The following FBXO4 variants were observed in gnomAD, a reference collection of about 807,000 sequenced individuals.
FBXO4 encodes the protein F-box only protein 4.
FBXO4 carries 36 observed loss-of-function variants against 43.7 expected under a neutral mutation model. That is an observed-to-expected ratio of 0.82 (90% CI 0.63 to 1.09). The LOEUF is 1.09. FBXO4 is among the 50% of genes least tolerant of loss of function. FBXO4 has a pLI of 0.00. For synonymous variants in FBXO4, 180 were observed against 165.6 expected (o/e 1.09, Z -0.67); for missense variants, 435 against 474.1 (o/e 0.92, Z 0.77).
the FBXO4 span, among the ~76,000 whole-genome samples, chr5:42,035,736 C>A: frequency 6.6e-6 from 1 of 152,088 alleles, no homozygotes; most frequent in Non-Finnish European, 1.5e-5. Context: ...CATGCAAGAG[C>A]TTTTCCCAGA....
the FBXO4 span, among the ~76,000 whole-genome samples, chr5:41,979,644 G>C: frequency 7.0e-4 from 107 of 152,328 alleles, no homozygotes; most frequent in Non-Finnish European, 9.3e-4. Context: ...TCCTGAGCCA[G>C]TGCAAGTTGG....
chr5:41,937,750 AT>A, intron 5 of FBXO4, among the ~76,000 whole-genome samples: 1 of 152,344 alleles, frequency 6.6e-6, no homozygotes, highest in South Asian at 2.1e-4. Context: ...TTTCTTGCTG[AT>A]TTCTTACTTG....
At chr5:42,037,857 C>T in the FBXO4 span, among the ~76,000 whole-genome samples, 2 of 152,118 alleles carry the variant, frequency 1.3e-5, no homozygotes, top group African/African-American at 4.8e-5. Flanking sequence ...CAGCCCAGAA[C>T]TCCTTGGGGA....
the FBXO4 span, among the ~76,000 whole-genome samples, chr5:42,013,731 G>C: frequency 6.6e-6 from 1 of 152,206 alleles, no homozygotes; most frequent in African/African-American, 2.4e-5. Flanking sequence ...AAACACAGCT[G>C]TACCCTGGCA....
chr5:42,024,476 G>C, the FBXO4 span, among the ~76,000 whole-genome samples: 2 of 151,902 alleles, frequency 1.3e-5, no homozygotes, highest in Admixed American at 1.3e-4. Context: ...GAGATGTTTT[G>C]ATACAGGCAT....
chr5:41,925,379 G>C lies in FBXO4; in HGVS notation c.70G>C (p.Glu24Gln). 7.2e-7 allele frequency: 1 copy of C among 1,381,554 alleles called. No individual in the cohort carries two copies. The highest frequency in any genetic ancestry group is 9.4e-7 in the Non-Finnish European group (1 of 1,063,830). 85.6% of individuals were successfully genotyped at this position (1,381,554 alleles called of 1,614,324 possible). The change falls in exon 1 of 7, where the codon GAG (glutamate) becomes CAG (glutamine). Residue 24 changes from glutamate to glutamine, a missense_variant. By Grantham distance (29) the Glu-to-Gln change is conservative. Coordinates refer to ENST00000281623, the MANE Select transcript of FBXO4 (RefSeq NM_012176.3). ...PPPFSDWGRL[E>Q]AAILSGWKTF... ...GCCCTTCAGCGACTGGGGCCGCCTGGAGGCGGCCATCCTCAGCGGCTGGAA... is the reference window on the plus strand; with the variant it reads ...GCCCTTCAGCGACTGGGGCCGCCTGCAGGCGGCCATCCTCAGCGGCTGGAA...
the FBXO4 span, among the ~76,000 whole-genome samples, chr5:42,018,763 A>G: frequency 1.1e-4 from 16 of 152,274 alleles, no homozygotes; most frequent in African/African-American, 3.8e-4. Context: ...CTTTATTCTC[A>G]TCTTTCATCA....
the FBXO4 span, among the ~76,000 whole-genome samples, chr5:42,038,222 C>T: frequency 0.31 from 47,304 of 151,930 alleles, 8,374 homozygotes; most frequent in African/African-American, 0.48. Context: ...AGGGATAACT[C>T]ATATTCTGTT....
At chr5:42,008,981 T>C in the FBXO4 span, among the ~76,000 whole-genome samples, 11 of 152,122 alleles carry the variant, frequency 7.2e-5, no homozygotes, top group Admixed American at 1.3e-4. Flanking sequence ...TTCTGGACCA[T>C]TGAAAGGGAG....
the FBXO4 span, among the ~76,000 whole-genome samples, chr5:41,987,767 G>A: frequency 1.2e-4 from 19 of 152,108 alleles, no homozygotes; most frequent in African/African-American, 4.6e-4. Context: ...CTGATAATAA[G>A]CTCATCAAAG....
the FBXO4 span, among the ~76,000 whole-genome samples, chr5:41,999,524 C>CGT: frequency 4.6e-5 from 4 of 87,842 alleles, no homozygotes; most frequent in Admixed American, 3.0e-4. Context: ...TATATATATA[C>CGT]ATATATATAT....
At chr5:41,973,548 G>A in the FBXO4 span, among the ~76,000 whole-genome samples, 1 of 152,146 alleles carries the variant, frequency 6.6e-6, no homozygotes. Context: ...AGATTTCATG[G>A]TGCATGTCTG....
chr5:41,935,160 C>T lies in FBXO4; in HGVS notation c.898+852C>T, dbSNP rs935102497. ...TTGCAGTTACAATTGGGAACTAAAA[C>T]AGATATAGCCCCTACTTTTATCTAG... On this transcript the variant is annotated intron_variant, in intron 5 of 6. Coordinates refer to ENST00000281623, the MANE Select transcript of FBXO4 (RefSeq NM_012176.3). 8 of 982,636 alleles carry T rather than the reference C, an allele frequency of 8.1e-6. No homozygotes were observed. The African/African-American group carries it at 1.4e-4, about 17-fold the overall frequency. The allele number at this position is 982,636 out of a possible 1,614,324, so 60.9% of individuals were successfully genotyped here.
the FBXO4 span, among the ~76,000 whole-genome samples, chr5:41,992,222 G>T: frequency 6.6e-6 from 1 of 152,002 alleles, no homozygotes; most frequent in Non-Finnish European, 1.5e-5. Flanking sequence ...CACATTACTA[G>T]TTGGTTTATT....
the FBXO4 span, among the ~76,000 whole-genome samples, chr5:42,039,668 C>T: frequency 6.6e-6 from 1 of 152,176 alleles, no homozygotes; most frequent in East Asian, 1.9e-4. Context: ...TGACTTGCAT[C>T]TAACTGAAAG....
At chr5:42,034,899 A>C in the FBXO4 span, among the ~76,000 whole-genome samples, 113 of 152,276 alleles carry the variant, frequency 7.4e-4, 1 homozygote, top group South Asian at 0.022. Flanking sequence ...AATGCTGTGA[A>C]GAATGTCAAT....
the FBXO4 span, among the ~76,000 whole-genome samples, chr5:42,019,475 G>A: frequency 6.6e-6 from 1 of 152,102 alleles, no homozygotes; most frequent in Non-Finnish European, 1.5e-5. Flanking sequence ...GATCACCTGA[G>A]GTCAAGAGTT....
At chr5:41,975,383 T>C in the FBXO4 span, among the ~76,000 whole-genome samples, 1 of 152,228 alleles carries the variant, frequency 6.6e-6, no homozygotes, top group East Asian at 1.9e-4. Flanking sequence ...ATCTCTCTAA[T>C]CTACAGTAGA....
downstream of FBXO4, among the ~76,000 whole-genome samples, chr5:41,943,293 G>C (rs1402016342): frequency 6.6e-6 from 1 of 152,066 alleles, no homozygotes; most frequent in African/African-American, 2.4e-5. Flanking sequence ...GCATTATCCA[G>C]GGATGAACAA....
Sources: allele counts gnomAD v4.1 joint callset (sites outside exome capture counted in the v4.1 genomes callset), GRCh38; gene constraint gnomAD v4.1.1; transcripts MANE v1.5; gene names NCBI Gene and HGNC (gene_info 2026-07-23, HGNC 2026-07-21).